The following STX2 variants were observed in gnomAD, a reference collection of about 807,000 sequenced individuals.
STX2 encodes the protein syntaxin-2.
Under a neutral mutation model 40.6 loss-of-function variants are expected in STX2, and 27 were observed. The ratio of observed to expected loss-of-function variants is 0.66; its 90% CI spans 0.49 to 0.92. The LOEUF (loss-of-function observed/expected upper bound fraction) is 0.92. Among genes scored for constraint, STX2 ranks in the 40% least tolerant of loss-of-function variants. The probability of loss-of-function intolerance (pLI) is 0.00; values close to 1 mark genes in which losing one functional copy is unlikely to be tolerated. For missense variants in STX2, 328 were observed against 366.1 expected (o/e 0.90, Z 0.85); for synonymous variants, 123 against 119.1 (o/e 1.03, Z -0.22).
chr12:130,801,188 T>A lies in STX2; in HGVS notation c.640A>T (p.Met214Leu). 6.2e-7 allele frequency: 1 copy of A among 1,613,890 alleles called. No homozygotes were observed. The highest frequency in any genetic ancestry group is 8.5e-7 in the Non-Finnish European group (1 of 1,179,824). The change falls in exon 8 of 11, where the codon ATG becomes TTG. Residue 214 changes from methionine (M) to leucine (L), a missense_variant. By Grantham distance (15) the Met-to-Leu change is conservative. Transcript: ENST00000392373. ...LETSIRELHE[M>L]FMDMAMFVET... ...ACAAACATAGCCATGTCCATGAACA[T>A]CTCATGCAACTCTCGGATGCTGGTC...
At chr12:130,799,674 C>T (rs1029097754) in intron 8 of STX2, among the ~76,000 whole-genome samples, 12 of 151,992 alleles carry the variant, frequency 7.9e-5, no homozygotes, top group Admixed American at 1.3e-4. Context: ...ATTAGCCGGG[C>T]GTAGTGGTGC....
chr12:130,794,092 C>G (rs573812243), intron 10 of STX2, among the ~76,000 whole-genome samples: 1 of 152,112 alleles, frequency 6.6e-6, no homozygotes, highest in African/African-American at 2.4e-5. Flanking sequence ...ACTGTGTCCG[C>G]GCTACAAATT....
In STX2 at chr12:130,791,780, A is replaced by T; in HGVS notation, c.*243T>A. 2 of 864,610 alleles carry T rather than the reference A, an allele frequency of 2.3e-6. No individual in the cohort carries two copies. Among genetic ancestry groups the T allele is most frequent in the Non-Finnish European group, 3.8e-6 (2 of 529,618 alleles). The allele number at this position is 864,610 out of a possible 1,614,324, so 53.6% of individuals were successfully genotyped here. The stretch of plus-strand genomic sequence containing the variant: ...CTTCTTCCGTGAACTCATACATTAC[A>T]AGGTCAGCACTCGATGCCGGGTTAC... On this transcript the variant is annotated 3_prime_UTR_variant, in exon 11 of 11. Coordinates refer to ENST00000392373, the MANE Select transcript of STX2 (RefSeq NM_194356.4).
At chr12:130,822,721 G>A (rs1355700607) in intron 2 of STX2, among the ~76,000 whole-genome samples, 4 of 152,130 alleles carry the variant, frequency 2.6e-5, no homozygotes, top group Non-Finnish European at 4.4e-5. Flanking sequence ...ATCTGGAGAC[G>A]GGAAATGATC....
At chr12:130,821,139 G>A (rs1211412723) in intron 3 of STX2, among the ~76,000 whole-genome samples, 1 of 152,176 alleles carries the variant, frequency 6.6e-6, no homozygotes, top group Admixed American at 6.5e-5. Flanking sequence ...ACTCTCCTGT[G>A]TGCCTCAGAT....
At chr12:130,796,804 C>A (rs1951043705) in intron 9 of STX2, among the ~76,000 whole-genome samples, 1 of 152,168 alleles carries the variant, frequency 6.6e-6, no homozygotes. Flanking sequence ...CAGTACTTGG[C>A]CTTTCGCTCC....
intron 10 of STX2, among the ~76,000 whole-genome samples, chr12:130,795,771 G>A (rs1951010600): frequency 6.6e-6 from 1 of 152,036 alleles, no homozygotes; most frequent in African/African-American, 2.4e-5. Flanking sequence ...ATAAGAAGGT[G>A]ACCTTGGTTT....
chr12:130,812,803 T>G (rs4759794), intron 4 of STX2, among the ~76,000 whole-genome samples, 154 bp downstream of exon 4: 86,030 of 152,110 alleles, frequency 0.57, 26,614 homozygotes, highest in East Asian at 0.87. Flanking sequence ...TTTTGAATAT[T>G]AATTAGTACT....
intron 5 of STX2, 88 bp downstream of exon 5, chr12:130,808,536 GACAGTAA>G (rs760178495): frequency 1.9e-6 from 2 of 1,061,636 alleles, no homozygotes; most frequent in Non-Finnish European, 2.8e-6. Flanking sequence ...GGATAAGCAT[GACAGTAA>G]AGATGAAATT....
intron 1 of STX2, among the ~76,000 whole-genome samples, chr12:130,834,927 G>C (rs892278458): frequency 6.6e-6 from 1 of 152,176 alleles, no homozygotes; most frequent in Non-Finnish European, 1.5e-5. Flanking sequence ...TGCACTACGT[G>C]GACAAACATG....
intron 1 of STX2, among the ~76,000 whole-genome samples, chr12:130,830,688 A>C (rs1952526779): frequency 6.6e-6 from 1 of 152,254 alleles, no homozygotes; most frequent in South Asian, 2.1e-4. Flanking sequence ...ATTCAAAAAA[A>C]CAAAACAAAA....
At chr12:130,792,345 C>T (rs1451970955) in intron 10 of STX2, among the ~76,000 whole-genome samples, 1 of 152,236 alleles carries the variant, frequency 6.6e-6, no homozygotes, top group East Asian at 1.9e-4. Context: ...AGGCGTGAGG[C>T]ACCAGGCCCG....
At chr12:130,809,135 G>A (rs1296383611) in intron 4 of STX2, among the ~76,000 whole-genome samples, 1 of 152,190 alleles carries the variant, frequency 6.6e-6, no homozygotes, top group African/African-American at 2.4e-5. Flanking sequence ...CCAAAGTGCT[G>A]GCATTACAGG....
chr12:130,803,740 G>A (rs1161379534), intron 6 of STX2, among the ~76,000 whole-genome samples: 2 of 150,520 alleles, frequency 1.3e-5, no homozygotes, highest in African/African-American at 2.4e-5. Flanking sequence ...TCTTCCCACC[G>A]GCTAACTGCT....
chr12:130,827,688 C>T (rs1468658597), intron 1 of STX2, among the ~76,000 whole-genome samples: 1 of 152,172 alleles, frequency 6.6e-6, no homozygotes, highest in African/African-American at 2.4e-5. Context: ...CTGAGGGGGG[C>T]AGAATGCTTA....
At chr12:130,837,639 C>G (rs999801087) in intron 1 of STX2, among the ~76,000 whole-genome samples, 4 of 152,160 alleles carry the variant, frequency 2.6e-5, no homozygotes, top group African/African-American at 9.7e-5. Flanking sequence ...GTTGCCCAAG[C>G]TGGTCTCCAA....
chr12:130,818,100 G>A (rs61937256), intron 3 of STX2, among the ~76,000 whole-genome samples: 47,587 of 142,360 alleles, frequency 0.33, 8,441 homozygotes, highest in Middle Eastern at 0.4. Context: ...AGAAGGCCCC[G>A]TGAGCTGTCC....
chr12:130,827,917 GT>G (rs1952386433), intron 1 of STX2, among the ~76,000 whole-genome samples: 1 of 152,176 alleles, frequency 6.6e-6, no homozygotes, highest in South Asian at 2.1e-4. Context: ...AACCTGGCAG[GT>G]TGGGGCTGCA....
At chr12:130,814,694 T>C (rs1418019681) in intron 3 of STX2, among the ~76,000 whole-genome samples, 1 of 135,576 alleles carries the variant, frequency 7.4e-6, no homozygotes, top group Non-Finnish European at 1.5e-5. Flanking sequence ...TGGAGTGCAG[T>C]GGCACAATCT....
Sources: allele counts gnomAD v4.1 joint callset (sites outside exome capture counted in the v4.1 genomes callset), GRCh38; gene constraint gnomAD v4.1.1; transcripts MANE v1.5; gene names NCBI Gene and HGNC (gene_info 2026-07-23, HGNC 2026-07-21).